Variants in ZFHX3 observed in about 807,000 individuals in gnomAD.
The protein encoded by ZFHX3 is zinc finger homeobox 3.
Under a neutral mutation model 279.1 loss-of-function variants are expected in ZFHX3, and 42 were observed. That is an observed-to-expected ratio of 0.15 (90% CI 0.12 to 0.19). The LOEUF is 0.19. Among genes scored for constraint, ZFHX3 ranks in the 10% least tolerant of loss-of-function variants. The pLI, the probability that ZFHX3 is intolerant of heterozygous loss-of-function variation, is 1.00. For missense variants in ZFHX3, 4,981 were observed against 4,754.0 expected (o/e 1.05, Z -1.40); for synonymous variants, 2,293 against 1,957.8 (o/e 1.17, Z -4.52).
chr16:72,851,703 T>C (rs2143841110), intron 4 of ZFHX3, among the ~76,000 whole-genome samples: 1 of 152,084 alleles, frequency 6.6e-6, no homozygotes, highest in Non-Finnish European at 1.5e-5. Flanking sequence ...TACAGGCCCC[T>C]ACCACCACGG....
intron 5 of ZFHX3, among the ~76,000 whole-genome samples, chr16:73,211,295 G>A (rs1315600434): frequency 6.6e-6 from 1 of 152,094 alleles, no homozygotes; most frequent in Non-Finnish European, 1.5e-5. Flanking sequence ...GGAAAAATAG[G>A]GTTTCTGGGC....
rs140393910 is a variant in ZFHX3, at chr16:73,853,249, C to T, written c.-1608+38402G>A. On this transcript the variant is annotated intron_variant, in intron 1 of 17. Coordinates refer to the ZFHX3 transcript ENST00000641206. ...GTGGGAATGTAAATTAGTTCAAACT[C>T]GATGGACAACAATACAGAGATTTCT... Among the ~76,000 whole-genome samples the T allele has an allele frequency of 4.9e-3, 749 of 152,250 alleles. 3 individuals are homozygous for T. Among genetic ancestry groups the T allele is most frequent in the African/African-American group, 0.017 (710 of 41,560 alleles).
At chr16:73,347,621 A>G (rs2016146838) in intron 3 of ZFHX3, among the ~76,000 whole-genome samples, 1 of 152,260 alleles carries the variant, frequency 6.6e-6, no homozygotes, top group Non-Finnish European at 1.5e-5. Flanking sequence ...GTGTTTAAGC[A>G]TGACTGCTAT....
chr16:73,728,208 G>C (rs78020965), intron 1 of ZFHX3, among the ~76,000 whole-genome samples: 2,890 of 152,184 alleles, frequency 0.019, 93 homozygotes, highest in African/African-American at 0.067. Context: ...AGAGAGAGAA[G>C]ACAGGCCAGG....
chr16:72,797,192 G>A lies in ZFHX3; in HGVS notation c.5490C>T (p.Gly1830=), dbSNP rs1378993092. 1 of 1,614,074 alleles carries A rather than the reference G, an allele frequency of 6.2e-7. No individual in the cohort carries two copies. Among genetic ancestry groups the A allele is most frequent in the East Asian group, 2.2e-5 (1 of 44,866 alleles). The change falls in exon 9 of 10, where the codon GGC becomes GGT. Residue 1830 remains glycine, a synonymous_variant. Coordinates refer to ENST00000268489, the MANE Select transcript of ZFHX3 (RefSeq NM_006885.4). The part of the protein sequence containing the change: ...GALTLTGTGP[G]LLEDLKAQVQ... Reference sequence around the variant, plus strand: ...CCTGAGCCTTCAGATCTTCCAGCAGGCCTGGGCCTGTCCCAGTCAGTGTCA... The same window carrying A: ...CCTGAGCCTTCAGATCTTCCAGCAGACCTGGGCCTGTCCCAGTCAGTGTCA...
Position 72,794,842 on chromosome 16 carries a change from G to A in ZFHX3, c.7840C>T (p.Leu2614Phe), listed in dbSNP as rs1771068401. The A allele has an allele frequency of 2.5e-6, 4 of 1,614,084 alleles. No individual in the cohort carries two copies. The East Asian group carries it at 6.7e-5, about 27-fold the overall frequency. ...PSTPTSTMNT[L>F]KRKLEEKASA... The stretch of plus-strand genomic sequence containing the variant: ...GCCTTTTCCTCCAGCTTCCTCTTGA[G>A]AGTGTTCATTGTGGAGGTTGGAGTT... The change falls in exon 9 of 10, where the codon CTC (leucine) becomes TTC (phenylalanine). Residue 2614 changes from leucine to phenylalanine, a missense_variant. Around this residue, in one of 7 missense-constraint regions of ZFHX3, gnomAD observed 744 missense variants for 701.3 expected, o/e 1.06. Transcript: ENST00000268489. The surrounding 1 kb of genome is among the most constrained non-coding windows in gnomAD (Gnocchi z 4.2).
intron 1 of ZFHX3, among the ~76,000 whole-genome samples, chr16:73,784,708 C>G (rs984520675): frequency 2.0e-5 from 3 of 151,424 alleles, no homozygotes; most frequent in African/African-American, 7.3e-5. Flanking sequence ...GATTGCTCCA[C>G]TGCACTCCAG....
intron 1 of ZFHX3, among the ~76,000 whole-genome samples, chr16:73,798,189 G>C (rs552157322): frequency 1.3e-5 from 2 of 152,228 alleles, no homozygotes; most frequent in South Asian, 2.1e-4. Context: ...GTGCATTCAA[G>C]ACTGGGCTTT....
intron 1 of ZFHX3, among the ~76,000 whole-genome samples, chr16:73,738,415 C>A (rs2053626615): frequency 6.6e-6 from 1 of 151,342 alleles, no homozygotes; most frequent in Non-Finnish European, 1.5e-5. Context: ...ATCATGTTTG[C>A]CACAGACATA....
At chr16:73,860,776 G>A (rs1223562547) in intron 1 of ZFHX3, among the ~76,000 whole-genome samples, 1 of 152,004 alleles carries the variant, frequency 6.6e-6, no homozygotes, top group Non-Finnish European at 1.5e-5. Context: ...TCATTCCTTT[G>A]GAAGTGATTA....
At chr16:73,739,555 T>A (rs1162309712) in intron 1 of ZFHX3, among the ~76,000 whole-genome samples, 1 of 152,146 alleles carries the variant, frequency 6.6e-6, no homozygotes. Flanking sequence ...TGGAGCTCCA[T>A]GGGCACACCT....
chr16:72,889,725 A>G lies in ZFHX3; in HGVS notation c.3448+6T>C. 1 of 1,611,562 alleles carries G rather than the reference A, an allele frequency of 6.2e-7. No individual in the cohort carries two copies. Among genetic ancestry groups the G allele is most frequent in the Non-Finnish European group, 8.5e-7 (1 of 1,179,584 alleles). On this transcript the variant is annotated splice_donor_region_variant and intron_variant, in intron 4 of 9. Transcript: ENST00000268489. Reference sequence around the variant, plus strand: ...CTGGGCCTCCCATGCCTGTGAGACCACTCACCTGGGTCCGTGGAGGGGCAC... The same window carrying G: ...CTGGGCCTCCCATGCCTGTGAGACCGCTCACCTGGGTCCGTGGAGGGGCAC...
intron 3 of ZFHX3, chr16:73,401,108 A>G (rs975204481): frequency 2.0e-5 from 3 of 151,934 alleles, no homozygotes; most frequent in Non-Finnish European, 4.4e-5. Flanking sequence ...ATGAGAAAAC[A>G]TCCATCATCT....
chr16:73,760,562 G>T (rs762021235), intron 1 of ZFHX3, among the ~76,000 whole-genome samples: 1 of 152,106 alleles, frequency 6.6e-6, no homozygotes, highest in Non-Finnish European at 1.5e-5. Flanking sequence ...GAACATCAAT[G>T]TAAAAATCCT....
At chr16:73,408,945 A>T (rs893827550) in intron 3 of ZFHX3, among the ~76,000 whole-genome samples, 7 of 152,050 alleles carry the variant, frequency 4.6e-5, no homozygotes, top group African/African-American at 1.7e-4. Context: ...CCCGCCAAAA[A>T]AAATGTTGGC....
At chr16:72,939,835 T>C (rs1489497406) in intron 3 of ZFHX3, among the ~76,000 whole-genome samples, 1 of 152,146 alleles carries the variant, frequency 6.6e-6, no homozygotes, top group Non-Finnish European at 1.5e-5. Flanking sequence ...TTGTGTGCAG[T>C]GCTGTGATCA....
chr16:73,120,309 G>A (rs890073662), intron 7 of ZFHX3, among the ~76,000 whole-genome samples: 7 of 152,008 alleles, frequency 4.6e-5, no homozygotes, highest in African/African-American at 1.7e-4. Flanking sequence ...CACCCCGGCT[G>A]GAGTGCACAT....
chr16:73,034,228 C>T (rs140449982), intron 1 of ZFHX3, among the ~76,000 whole-genome samples: 41 of 152,206 alleles, frequency 2.7e-4, no homozygotes, highest in African/African-American at 8.7e-4. Context: ...CAATGGGAGA[C>T]GCCCACTGGT....
intron 3 of ZFHX3, among the ~76,000 whole-genome samples, chr16:73,444,757 C>T (rs1411165637): frequency 1.3e-5 from 2 of 152,154 alleles, no homozygotes; most frequent in African/African-American, 4.8e-5. Flanking sequence ...AGTGCAGCAC[C>T]TGTGCAGCAT....
Sources: allele counts gnomAD v4.1 joint callset (sites outside exome capture counted in the v4.1 genomes callset), GRCh38; gene constraint gnomAD v4.1.1; regional missense constraint gnomAD v4.1.1; non-coding constraint Gnocchi (gnomAD v3.1); transcripts MANE v1.5; gene names NCBI Gene and HGNC (gene_info 2026-07-23, HGNC 2026-07-21).